ZNF578: variants seen among roughly 807,000 people sequenced by gnomAD.
The protein encoded by ZNF578 is Putative chemokine-related protein B42.
ZNF578 carries 8 observed loss-of-function variants against 8.3 expected under a neutral mutation model. That is an observed-to-expected ratio of 0.96 (90% CI 0.56 to 1.74). The LOEUF is 1.74. ZNF578 is among the 40% of genes most tolerant of loss of function. The pLI is 0.00. For missense variants in ZNF578, 726 were observed against 707.5 expected (o/e 1.03, Z -0.30); for synonymous variants, 206 against 232.2 (o/e 0.89, Z 1.03).
At chr19:52,510,299 T>C (rs2059439920) in intron 5 of ZNF578, among the ~76,000 whole-genome samples, 1 of 152,144 alleles carries the variant, frequency 6.6e-6, no homozygotes, top group Non-Finnish European at 1.5e-5. Flanking sequence ...AGGGTCACAG[T>C]GGAAAAATAC....
At chr19:52,488,675 T>C (rs1380476650) in intron 2 of ZNF578, among the ~76,000 whole-genome samples, 1 of 151,510 alleles carries the variant, frequency 6.6e-6, no homozygotes, top group African/African-American at 2.4e-5. Flanking sequence ...TCCCAGCTAC[T>C]CGGGAGGCTG....
intron 2 of ZNF578, among the ~76,000 whole-genome samples, chr19:52,462,048 A>G (rs1349761900): frequency 1.3e-5 from 2 of 152,220 alleles, no homozygotes; most frequent in Non-Finnish European, 2.9e-5. Flanking sequence ...TAGGGGACCA[A>G]TCAATGATGA....
Position 52,489,885 on chromosome 19 carries a change from T to C in ZNF578, c.-121-1439T>C, listed in dbSNP as rs140000651. Among the ~76,000 whole-genome samples, 525 of 152,200 alleles carry C rather than the reference T, an allele frequency of 3.4e-3. 2 individuals carry two copies. The highest frequency in any genetic ancestry group is 0.012 in the African/African-American group (502 of 41,560). On this transcript the variant is annotated intron_variant, in intron 2 of 5. Coordinates refer to ENST00000421239, the MANE Select transcript of ZNF578 (RefSeq NM_001099694.2). ...GGTAGCCAGGATGATCTCTATCTCC[T>C]GACCTCGTGATCTGCCCGCCTCGGC...
chr19:52,498,726 C>T (rs1298836285), intron 3 of ZNF578, among the ~76,000 whole-genome samples: 1 of 135,838 alleles, frequency 7.4e-6, no homozygotes, highest in Non-Finnish European at 1.5e-5. Context: ...CACCCTATCA[C>T]CCAGGCTGGA....
intron 3 of ZNF578, among the ~76,000 whole-genome samples, chr19:52,498,331 T>TA (rs1568464104): frequency 4.4e-5 from 1 of 22,904 alleles, no homozygotes; most frequent in African/African-American, 5.3e-4. Flanking sequence ...TAATGTGTGT[T>TA]TTTTTTTTTT....
chr19:52,491,642 T>G (rs326432), intron 3 of ZNF578, among the ~76,000 whole-genome samples: 11,254 of 150,192 alleles, frequency 0.075, 454 homozygotes, highest in Middle Eastern at 0.17. Context: ...TTCCACCCAG[T>G]AGGCAGAGGC....
chr19:52,502,003 G>C, intron 4 of ZNF578, 95 bp downstream of exon 4: 1 of 1,504,684 alleles, frequency 6.6e-7, no homozygotes, highest in East Asian at 2.3e-5. Context: ...GTAACAGCCA[G>C]TCTTTTCTGA....
rs370571329 is a variant in ZNF578 at position 52,496,479 on chromosome 19, G to A, written c.-20+5054G>A. 2.3e-4 allele frequency among the ~76,000 whole-genome samples: 34 copies of A among 146,006 alleles called. 1 individual carries two copies. The highest frequency in any genetic ancestry group is 3.5e-3 in the Middle Eastern group (1 of 282). ...CGAGTAGCTGGGACTACATGCGCCC[G>A]CCACCGCGCCCAGCTAATTTTTTGT... On this transcript the variant is annotated intron_variant, in intron 3 of 5. Coordinates refer to ENST00000421239, the MANE Select transcript of ZNF578 (RefSeq NM_001099694.2).
intron 5 of ZNF578, among the ~76,000 whole-genome samples, chr19:52,509,320 T>C (rs1568467340): frequency 6.6e-6 from 1 of 152,206 alleles, no homozygotes; most frequent in African/African-American, 2.4e-5. Context: ...TAAGTAGATG[T>C]TGTGGCTTTT....
intron 2 of ZNF578, among the ~76,000 whole-genome samples, chr19:52,487,707 G>T (rs1348458053): frequency 6.6e-6 from 1 of 150,868 alleles, no homozygotes; most frequent in Non-Finnish European, 1.5e-5. Context: ...TCCTCTAACT[G>T]CAGCCTTGAC....
At chr19:52,505,218 G>A (rs887602082) in intron 5 of ZNF578, among the ~76,000 whole-genome samples, 5 of 151,954 alleles carry the variant, frequency 3.3e-5, no homozygotes, top group Non-Finnish European at 7.4e-5. Context: ...TCACAGAAGC[G>A]TCTCTCACTG....
chr19:52,480,837 A>C (rs2059323562), intron 2 of ZNF578, among the ~76,000 whole-genome samples: 1 of 151,290 alleles, frequency 6.6e-6, no homozygotes, highest in Admixed American at 6.6e-5. Flanking sequence ...CAGAGGTTGC[A>C]ATGAGCCGTG....
chr19:52,512,909 G>A lies in ZNF578; in HGVS notation c.*755G>A, dbSNP rs368665998. ...TGATAAGAGGATTGGGCCAGGTGCA[G>A]TGGATCACGCCTGTAATCCCAGCAC... On this transcript the variant is annotated 3_prime_UTR_variant, in exon 6 of 6. Transcript: ENST00000421239. Among the ~76,000 whole-genome samples the A allele has an allele frequency of 1.3e-4, 20 of 152,198 alleles. No homozygotes were observed. The highest frequency in any genetic ancestry group is 5.9e-4 in the Admixed American group (9 of 15,272).
intron 5 of ZNF578, among the ~76,000 whole-genome samples, chr19:52,509,788 C>A (rs897194046): frequency 6.6e-5 from 10 of 152,034 alleles, no homozygotes; most frequent in Admixed American, 2.6e-4. Flanking sequence ...AAAATGGTTT[C>A]AAAAGTCACT....
At chr19:52,475,675 T>A (rs753436445) in intron 2 of ZNF578, among the ~76,000 whole-genome samples, 1 of 152,130 alleles carries the variant, frequency 6.6e-6, no homozygotes, top group African/African-American at 2.4e-5. Context: ...CCAATTAATA[T>A]CCCCTAATAG....
intron 2 of ZNF578, among the ~76,000 whole-genome samples, chr19:52,468,487 G>A (rs1009338956): frequency 1.6e-4 from 25 of 152,328 alleles, no homozygotes; most frequent in African/African-American, 5.8e-4. Context: ...CAAGTCTGGA[G>A]TTTCAAGAGT....
chr19:52,489,453 T>G (rs530407145), intron 2 of ZNF578, among the ~76,000 whole-genome samples: 19 of 151,738 alleles, frequency 1.3e-4, no homozygotes, highest in African/African-American at 4.1e-4. Context: ...CTGGGTGTGG[T>G]GGCGCATGCC....
chr19:52,459,769 A>ATATATATATTTTTTT (rs1555751349), intron 2 of ZNF578, among the ~76,000 whole-genome samples: 18 of 17,620 alleles, frequency 1.0e-3, no homozygotes, highest in Admixed American at 3.6e-3. Flanking sequence ...ATATATATAT[A>ATATATATATTTTTTT]TTTTTTTTTT....
At chr19:52,487,312 G>A (rs1471254300) in intron 2 of ZNF578, among the ~76,000 whole-genome samples, 1 of 152,194 alleles carries the variant, frequency 6.6e-6, no homozygotes, top group Non-Finnish European at 1.5e-5. Flanking sequence ...CTGGTCAACA[G>A]GGCGAGAGAC....
Sources: allele counts gnomAD v4.1 joint callset (sites outside exome capture counted in the v4.1 genomes callset), GRCh38; gene constraint gnomAD v4.1.1; transcripts MANE v1.5; gene names NCBI Gene and HGNC (gene_info 2026-07-23, HGNC 2026-07-21).